Variants in ZNF407 observed in about 807,000 individuals in gnomAD.
ZNF407 encodes zinc finger protein 407.
Under a neutral mutation model 131.2 loss-of-function variants are expected in ZNF407, and 17 were observed. That is an observed-to-expected ratio of 0.13 (90% CI 0.09 to 0.19). The LOEUF (loss-of-function observed/expected upper bound fraction) is 0.19. ZNF407 is among the 10% of genes least tolerant of loss of function. The pLI, the probability that ZNF407 is intolerant of heterozygous loss-of-function variation, is 1.00. For missense variants in ZNF407, 2,681 were observed against 2,830.6 expected, an observed-to-expected ratio of 0.95 and a Z score of 1.20; for synonymous variants, 1,156 against 1,062.0, an observed-to-expected ratio of 1.09 and a Z score of -1.72.
At chr18:74,608,746 CTCTT>C (rs1568312373) in intron 1 of ZNF407, among the ~76,000 whole-genome samples, 1 of 152,124 alleles carries the variant, frequency 6.6e-6, no homozygotes, top group Non-Finnish European at 1.5e-5. Flanking sequence ...TTGTCTGATG[CTCTT>C]TCTTGTTAAA....
At chr18:74,912,404 G>A (rs1322790304) in intron 7 of ZNF407, among the ~76,000 whole-genome samples, 3 of 152,110 alleles carry the variant, frequency 2.0e-5, no homozygotes, top group Non-Finnish European at 2.9e-5. Flanking sequence ...GGTCTACCAG[G>A]CAGAAACGTC....
At chr18:74,598,916 A>G (rs1359580066) in intron 1 of ZNF407, among the ~76,000 whole-genome samples, 1 of 152,234 alleles carries the variant, frequency 6.6e-6, no homozygotes, top group African/African-American at 2.4e-5. Context: ...GACATCCCAC[A>G]TCCGTGGACA....
At chr18:74,918,859 A>G (rs916557244) in intron 7 of ZNF407, among the ~76,000 whole-genome samples, 16 of 152,114 alleles carry the variant, frequency 1.1e-4, no homozygotes, top group African/African-American at 3.9e-4. Flanking sequence ...TCTTTTTCCT[A>G]GGCATAGAGG....
At chr18:74,955,836 C>T (rs143936839) in intron 8 of ZNF407, among the ~76,000 whole-genome samples, 1 of 152,188 alleles carries the variant, frequency 6.6e-6, no homozygotes, top group Non-Finnish European at 1.5e-5. Flanking sequence ...CAGCCATCCT[C>T]TCTCCCTGCA....
rs1171984069 is a variant in ZNF407, at chr18:75,064,349, G to T, written c.6628G>T (p.Ala2210Ser). The T allele has an allele frequency of 6.3e-7, 1 of 1,588,968 alleles. No individual in the cohort carries two copies. Among genetic ancestry groups the T allele is most frequent in the South Asian group, 1.1e-5 (1 of 87,304 alleles). The change falls in exon 9 of 9, where the codon GCC becomes TCC. Residue 2210 changes from alanine to serine, a missense_variant. By Grantham distance (99) the Ala-to-Ser change is moderately conservative. Around this residue, in one of 6 missense-constraint regions of ZNF407, gnomAD observed 620 missense variants for 583.1 expected, o/e 1.06. Coordinates refer to ENST00000299687, the MANE Select transcript of ZNF407 (RefSeq NM_017757.3). ...LQAGATLGTE[A>S]GAPSRAEQLA... Reference sequence around the variant, plus strand: ...GGCCGGGGCCACGCTAGGCACAGAGGCCGGGGCCCCAAGCAGGGCAGAGCA... The same window carrying T: ...GGCCGGGGCCACGCTAGGCACAGAGTCCGGGGCCCCAAGCAGGGCAGAGCA...
intron 8 of ZNF407, among the ~76,000 whole-genome samples, chr18:75,017,009 G>A (rs916990768): frequency 1.3e-5 from 2 of 152,052 alleles, no homozygotes; most frequent in Admixed American, 1.3e-4. Context: ...GGACTCGAGT[G>A]TAAGCTGAAA....
intron 8 of ZNF407, among the ~76,000 whole-genome samples, chr18:75,045,083 T>C (rs1460457445): frequency 1.1e-4 from 1 of 8,824 alleles, no homozygotes; most frequent in East Asian, 2.0e-3. Context: ...GGCATGTATG[T>C]GGGGGGTGTG....
intron 4 of ZNF407, among the ~76,000 whole-genome samples, chr18:74,798,195 TCTTC>T (rs1969956169): frequency 3.8e-5 from 4 of 105,954 alleles, no homozygotes. Context: ...ATTCTTTCTT[TCTTC>T]CTTTACACAA....
intron 8 of ZNF407, among the ~76,000 whole-genome samples, chr18:74,940,578 A>G (rs1972085823): frequency 6.6e-6 from 1 of 152,200 alleles, no homozygotes. Flanking sequence ...AGGGGAAACC[A>G]GTGAAGGTTG....
At chr18:74,619,919 A>G (rs1362698375) in intron 1 of ZNF407, among the ~76,000 whole-genome samples, 4 of 152,122 alleles carry the variant, frequency 2.6e-5, no homozygotes, top group Non-Finnish European at 4.4e-5. Flanking sequence ...TAAGATACAA[A>G]CGATCCTAGG....
intron 8 of ZNF407, among the ~76,000 whole-genome samples, chr18:74,982,265 T>TTCTAACCTTTTCTA (rs1972601716): frequency 6.6e-6 from 1 of 152,182 alleles, no homozygotes; most frequent in African/African-American, 2.4e-5. Context: ...CTACACAGCG[T>TTCTAACCTTTTCTA]CCTATTGAAG....
intron 3 of ZNF407, among the ~76,000 whole-genome samples, chr18:74,731,550 A>G (rs372041292): frequency 6.6e-6 from 1 of 152,244 alleles, no homozygotes; most frequent in African/African-American, 2.4e-5. Context: ...CACATTTTCA[A>G]TGACTAATTA....
chr18:74,638,367 GATGA>G (rs72363699), intron 2 of ZNF407, among the ~76,000 whole-genome samples: 4 of 151,968 alleles, frequency 2.6e-5, no homozygotes, highest in African/African-American at 7.2e-5. Flanking sequence ...TGAACGAGCA[GATGA>G]ATGAATGAAT....
chr18:74,874,614 A>G (rs1180864488), intron 4 of ZNF407, among the ~76,000 whole-genome samples: 2 of 152,158 alleles, frequency 1.3e-5, no homozygotes, highest in Non-Finnish European at 2.9e-5. Flanking sequence ...ATACCCTCCC[A>G]GCTAGCTCTG....
chr18:74,988,457 A>G lies in ZNF407; in HGVS notation c.5428+67765A>G, dbSNP rs571590624. Among the ~76,000 whole-genome samples, 333 of 151,358 alleles carry G rather than the reference A, an allele frequency of 2.2e-3. 2 individuals are homozygous for G. The highest frequency in any genetic ancestry group is 7.3e-3 in the African/African-American group (302 of 41,438). ...CTCTTCAAAAGATACTGTTAAGAAA[A>G]TAAAGAGAAAAGATATATATATATA... On this transcript the variant is annotated intron_variant, in intron 8 of 8. Transcript: ENST00000299687.
chr18:74,609,866 A>G (rs1472785880), intron 1 of ZNF407, among the ~76,000 whole-genome samples: 1 of 152,212 alleles, frequency 6.6e-6, no homozygotes, highest in Non-Finnish European at 1.5e-5. Flanking sequence ...TAGTCACCCT[A>G]AGTATCCTGT....
chr18:74,755,288 T>C (rs910333730), intron 3 of ZNF407, among the ~76,000 whole-genome samples: 1 of 152,118 alleles, frequency 6.6e-6, no homozygotes, highest in Non-Finnish European at 1.5e-5. Context: ...TGGGTCTTGA[T>C]TCTTTGTCCA....
chr18:74,900,320 A>G (rs535102612), intron 7 of ZNF407, among the ~76,000 whole-genome samples: 1 of 151,934 alleles, frequency 6.6e-6, no homozygotes, highest in Admixed American at 6.6e-5. Context: ...TGCGATAAGA[A>G]CTTCCCACCT....
intron 3 of ZNF407, among the ~76,000 whole-genome samples, chr18:74,717,805 A>G (rs1156521230): frequency 6.6e-6 from 1 of 152,222 alleles, no homozygotes; most frequent in Non-Finnish European, 1.5e-5. Context: ...CTGGTTCAGC[A>G]TCGCTAATCC....
Sources: allele counts gnomAD v4.1 joint callset (sites outside exome capture counted in the v4.1 genomes callset), GRCh38; gene constraint gnomAD v4.1.1; regional missense constraint gnomAD v4.1.1; transcripts MANE v1.5; gene names NCBI Gene and HGNC (gene_info 2026-07-23, HGNC 2026-07-21).